The following UGT1A9 variants were observed in gnomAD, a reference collection of about 807,000 sequenced individuals.
UGT1A9 encodes UDP-glucuronosyltransferase 1A9.
Under a neutral mutation model 45.0 loss-of-function variants are expected in UGT1A9, and 35 were observed. The ratio of observed to expected loss-of-function variants is 0.78; its 90% CI spans 0.59 to 1.03. The LOEUF (loss-of-function observed/expected upper bound fraction) is 1.03. Among genes scored for constraint, UGT1A9 ranks in the 50% least tolerant of loss-of-function variants. The probability of loss-of-function intolerance (pLI) is 0.00; values close to 1 mark genes in which losing one functional copy is unlikely to be tolerated. For missense variants in UGT1A9, 687 were observed against 666.6 expected (o/e 1.03, Z -0.34); for synonymous variants, 278 against 250.6 (o/e 1.11, Z -1.03).
At position 233,719,215 on chromosome 2, in the gene UGT1A9, T is replaced by C. The variant is rs72551337; in HGVS notation, c.855+46426T>C. ...CTTCATAGGTGTTGTGTGGAGCTAC[T>C]GCATAATGAGGCCCTGATCAGGCAC... On this transcript the variant is annotated intron_variant, in intron 1 of 4. Coordinates refer to ENST00000354728, the MANE Select transcript of UGT1A9 (RefSeq NM_021027.3). The C allele has an allele frequency of 1.5e-5, 25 of 1,614,228 alleles. No individual in the cohort carries two copies. In the East Asian group the frequency reaches 2.9e-4, roughly 19 times the overall value.
Position 233,767,883 on chromosome 2 carries a change from A to G in UGT1A9, c.1022A>G (p.Asn341Ser), listed in dbSNP as rs1336725166. 1.2e-6 allele frequency: 2 copies of G among 1,614,150 alleles called. No homozygotes were observed. The highest frequency in any genetic ancestry group is 2.2e-5 in the South Asian group (2 of 91,074). Residue 341 changes from asparagine to serine, a missense_variant, in exon 3 of 5, where the codon AAT (asparagine) becomes AGT (serine). Coordinates refer to ENST00000354728, the MANE Select transcript of UGT1A9 (RefSeq NM_021027.3). ...LWRYTGTRPSNLANNTILVKW... is the reference protein window; with the variant it reads ...LWRYTGTRPSSLANNTILVKW... The stretch of plus-strand genomic sequence containing the variant: ...CGGTACACTGGAACCCGACCATCGA[A>G]TCTTGCGAACAACACGATACTTGTT...
chr2:233,729,276 G>C (rs765243640), intron 1 of UGT1A9: 57 of 1,614,114 alleles, frequency 3.5e-5, no homozygotes, highest in African/African-American at 5.3e-5. Flanking sequence ...TCTTGCGGGA[G>C]CTCCATGCCA....
At chr2:233,717,630 C>T (rs1290579754) in intron 1 of UGT1A9, among the ~76,000 whole-genome samples, 1 of 152,248 alleles carries the variant, frequency 6.6e-6, no homozygotes, top group Non-Finnish European at 1.5e-5. Flanking sequence ...CTGCCCACCT[C>T]ATCCTGGGGC....
At chr2:233,747,952 A>G in intron 1 of UGT1A9, 2 of 1,613,280 alleles carry the variant, frequency 1.2e-6, no homozygotes, top group Non-Finnish European at 1.7e-6. Flanking sequence ...TCAGTGGTGG[A>G]TCTTCTCAGC....
rs764952775 is a variant in UGT1A9 at position 233,762,693 on chromosome 2, ATCTTT to A, written c.856-4336_856-4332del. Reference sequence around the variant, plus strand: ...CATTTGTTCTGTTTCTTTCTCATTCATCTTTTCTTAAGTATTTTACACGGTTTTTT... The same window carrying A: ...CATTTGTTCTGTTTCTTTCTCATTCATCTTAAGTATTTTACACGGTTTTTT... On this transcript the variant is annotated intron_variant, in intron 1 of 4. Coordinates refer to ENST00000354728, the MANE Select transcript of UGT1A9 (RefSeq NM_021027.3). Among the ~76,000 whole-genome samples, 18 of 148,206 alleles carry A rather than the reference ATCTTT, an allele frequency of 1.2e-4. No homozygotes were observed. In the East Asian group the frequency reaches 2.7e-3, roughly 23 times the overall value.
chr2:233,681,999 G>C, intron 1 of UGT1A9: 1 of 1,614,168 alleles, frequency 6.2e-7, no homozygotes, highest in Non-Finnish European at 8.5e-7. Context: ...CTGACCTGTG[G>C]CTTTGCCAAG....
At chr2:233,717,804 C>G (rs147106885) in intron 1 of UGT1A9, 15 of 456,002 alleles carry the variant, frequency 3.3e-5, no homozygotes, top group African/African-American at 1.6e-4. Context: ...AGTGCCCCCA[C>G]AAATTATGCA....
At chr2:233,743,730 C>T (rs189214805) in intron 1 of UGT1A9, 23 of 1,367,266 alleles carry the variant, frequency 1.7e-5, no homozygotes, top group South Asian at 3.4e-5. Context: ...TCATAGATAT[C>T]GCGTTTCTTG....
intron 1 of UGT1A9, chr2:233,693,859 G>A: frequency 6.2e-7 from 1 of 1,614,192 alleles, no homozygotes; most frequent in Non-Finnish European, 8.5e-7. Flanking sequence ...GGAAAGACTT[G>A]TCTCAGGTTG....
chr2:233,707,077 C>T (rs1486929021), intron 1 of UGT1A9, among the ~76,000 whole-genome samples: 1 of 152,138 alleles, frequency 6.6e-6, no homozygotes. Context: ...TCTGCATGTG[C>T]TCCACTTTGC....
At chr2:233,743,626 G>A (rs1399385903) in intron 1 of UGT1A9, 6 of 1,367,322 alleles carry the variant, frequency 4.4e-6, no homozygotes, top group Non-Finnish European at 5.9e-6. Flanking sequence ...TGAAGACGTC[G>A]GCTGGGTCGC....
chr2:233,743,887 C>G (rs1296707110), intron 1 of UGT1A9: 23 of 1,366,658 alleles, frequency 1.7e-5, no homozygotes, highest in Non-Finnish European at 2.3e-5. Flanking sequence ...CCTGCCGGGG[C>G]ACGTCCAGCA....
At chr2:233,707,648 A>G (rs1301203281) in intron 1 of UGT1A9, among the ~76,000 whole-genome samples, 1 of 151,666 alleles carries the variant, frequency 6.6e-6, no homozygotes, top group Non-Finnish European at 1.5e-5. Context: ...GTATGAATAC[A>G]CCACAATTTT....
At chr2:233,712,927 G>A (rs1300502786) in intron 1 of UGT1A9, 9 of 1,611,900 alleles carry the variant, frequency 5.6e-6, no homozygotes, top group East Asian at 4.5e-5. Context: ...TAATTAAGAC[G>A]AAGGAAACAA....
chr2:233,717,019 C>T (rs565921927), intron 1 of UGT1A9, among the ~76,000 whole-genome samples: 3 of 152,276 alleles, frequency 2.0e-5, no homozygotes, highest in South Asian at 2.1e-4. Context: ...CTGAAGGCAC[C>T]ACCATCTTCC....
chr2:233,723,771 G>A (rs1183544101), intron 1 of UGT1A9, among the ~76,000 whole-genome samples: 1 of 58,926 alleles, frequency 1.7e-5, no homozygotes, highest in Non-Finnish European at 2.9e-5. Flanking sequence ...GTTTAACAAA[G>A]CACATCTTGC....
intron 1 of UGT1A9, among the ~76,000 whole-genome samples, chr2:233,727,843 T>A (rs768506184): frequency 1.3e-4 from 19 of 151,996 alleles, no homozygotes; most frequent in Non-Finnish European, 2.6e-4. Context: ...CAATGTGGAG[T>A]AATTTCCTCC....
chr2:233,706,890 G>A (rs563371230), intron 1 of UGT1A9, among the ~76,000 whole-genome samples: 1 of 152,282 alleles, frequency 6.6e-6, no homozygotes, highest in East Asian at 1.9e-4. Flanking sequence ...GCTCTGGTTG[G>A]AGGCATTTTA....
At chr2:233,729,213 A>G (rs760379481) in intron 1 of UGT1A9, 11 of 1,613,914 alleles carry the variant, frequency 6.8e-6, no homozygotes, top group Non-Finnish European at 8.5e-6. Context: ...CTGAGAGTGG[A>G]AAGGTGTTGG....
Sources: allele counts gnomAD v4.1 joint callset (sites outside exome capture counted in the v4.1 genomes callset), GRCh38; gene constraint gnomAD v4.1.1; transcripts MANE v1.5; gene names NCBI Gene and HGNC (gene_info 2026-07-23, HGNC 2026-07-21).